The following CPA6 variants were observed in gnomAD, a reference collection of about 807,000 sequenced individuals.
The protein encoded by CPA6 is carboxypeptidase A6.
A neutral mutation model predicts 63.3 loss-of-function variants in CPA6; 58 were observed. The ratio of observed to expected loss-of-function variants is 0.92; its 90% CI spans 0.74 to 1.14. The LOEUF (loss-of-function observed/expected upper bound fraction) is 1.14, where lower values mean the gene tolerates loss of function less well. Ranked by LOEUF, CPA6 falls within the 50% of genes most tolerant of loss-of-function variation. The pLI is 0.00. For missense variants in CPA6, 565 were observed against 526.6 expected (o/e 1.07, Z -0.71); for synonymous variants, 185 against 179.0 (o/e 1.03, Z -0.27).
chr8:67,707,714 C>G (rs574000742), intron 1 of CPA6, among the ~76,000 whole-genome samples: 1 of 152,080 alleles, frequency 6.6e-6, no homozygotes, highest in African/African-American at 2.4e-5. Flanking sequence ...CAAGACCAGC[C>G]TGGCCAACAT....
chr8:67,485,014 G>C (rs1811447358), intron 6 of CPA6, among the ~76,000 whole-genome samples: 1 of 152,174 alleles, frequency 6.6e-6, no homozygotes, highest in Non-Finnish European at 1.5e-5. Context: ...AAAGAGATCA[G>C]TTGGGCAGCC....
chr8:67,697,984 A>G (rs886239099), intron 1 of CPA6, among the ~76,000 whole-genome samples: 12 of 152,340 alleles, frequency 7.9e-5, no homozygotes, highest in Admixed American at 3.9e-4. Context: ...ACGGAATCCT[A>G]AATGACTATA....
intron 6 of CPA6, among the ~76,000 whole-genome samples, chr8:67,495,086 A>T (rs1350518748): frequency 6.6e-6 from 1 of 152,140 alleles, no homozygotes; most frequent in East Asian, 1.9e-4. Flanking sequence ...ATAGTAGTAA[A>T]CACTTGATAA....
chr8:67,677,887 A>G (rs1816510995), intron 1 of CPA6, among the ~76,000 whole-genome samples: 1 of 152,076 alleles, frequency 6.6e-6, no homozygotes, highest in Non-Finnish European at 1.5e-5. Flanking sequence ...TAAAAAAAAA[A>G]AAGAATATCT....
chr8:67,718,276 T>C (rs1175481943), intron 1 of CPA6, among the ~76,000 whole-genome samples: 1 of 152,134 alleles, frequency 6.6e-6, no homozygotes, highest in Non-Finnish European at 1.5e-5. Flanking sequence ...GTTTTAAGAA[T>C]TGTGAGGTAT....
intron 2 of CPA6, among the ~76,000 whole-genome samples, chr8:67,599,475 T>C (rs1814436360): frequency 6.6e-6 from 1 of 152,182 alleles, no homozygotes; most frequent in Admixed American, 6.5e-5. Flanking sequence ...GCCAGAGTCT[T>C]GGTGATTCCC....
chr8:67,701,944 T>C (rs1817033260), intron 1 of CPA6, among the ~76,000 whole-genome samples: 1 of 152,202 alleles, frequency 6.6e-6, no homozygotes, highest in South Asian at 2.1e-4. Context: ...CCCTTTTGTA[T>C]TCATCCCCAC....
rs74579860 is a variant in CPA6, at chr8:67,712,247, C to T, written c.116+33767G>A. Reference sequence around the variant, plus strand: ...TGTATCGGGACCACTGGAGCTACAACCTTATGCCTTGGAGGGTCTGGCACT... The same window carrying T: ...TGTATCGGGACCACTGGAGCTACAATCTTATGCCTTGGAGGGTCTGGCACT... On this transcript the variant is annotated intron_variant, in intron 1 of 10. Coordinates refer to ENST00000297770, the MANE Select transcript of CPA6 (RefSeq NM_020361.5). 5.8e-3 allele frequency among the ~76,000 whole-genome samples: 876 copies of T among 152,226 alleles called. 10 individuals carry two copies. The highest frequency in any genetic ancestry group is 0.02 in the African/African-American group (817 of 41,548).
intron 9 of CPA6, among the ~76,000 whole-genome samples, chr8:67,432,995 C>G (rs1178931160): frequency 6.6e-6 from 1 of 152,172 alleles, no homozygotes; most frequent in Non-Finnish European, 1.5e-5. Context: ...GATGCTAACT[C>G]TGGGTAGTCA....
rs976937892 is a variant in CPA6 at position 67,745,950 on chromosome 8, T to C, written c.116+64A>G. 8 of 1,238,294 alleles carry C rather than the reference T, an allele frequency of 6.5e-6. No individual in the cohort carries two copies. In the Admixed American group the frequency reaches 1.6e-4, roughly 24 times the overall value. 76.7% of individuals were successfully genotyped at this position (1,238,294 alleles called of 1,614,324 possible). A position where few individuals can be genotyped will look rare whatever the true frequency, so the allele number is the denominator to read the frequency against. ...AAATCAGAAAAAGTGAGGCACACTCTGGAGCAAACCAGCCCCCAGATCCAA... is the reference window on the plus strand; with the variant it reads ...AAATCAGAAAAAGTGAGGCACACTCCGGAGCAAACCAGCCCCCAGATCCAA... On this transcript the variant is annotated intron_variant, in intron 1 of 10. Transcript: ENST00000297770.
chr8:67,684,603 C>A (rs562187743), intron 1 of CPA6, among the ~76,000 whole-genome samples: 34 of 152,240 alleles, frequency 2.2e-4, no homozygotes, highest in Admixed American at 1.9e-3. Context: ...TGGCCGGATG[C>A]CTGGAAATCT....
intron 1 of CPA6, among the ~76,000 whole-genome samples, chr8:67,703,579 C>A (rs927501701): frequency 2.0e-5 from 3 of 152,214 alleles, no homozygotes; most frequent in Non-Finnish European, 2.9e-5. Flanking sequence ...TGCTGCATGA[C>A]CTCCTTCTCT....
intron 2 of CPA6, among the ~76,000 whole-genome samples, chr8:67,523,103 G>A (rs1304941330): frequency 6.6e-6 from 1 of 152,230 alleles, no homozygotes; most frequent in Non-Finnish European, 1.5e-5. Flanking sequence ...CCACTTGTAG[G>A]CTGTTTTACT....
intron 1 of CPA6, among the ~76,000 whole-genome samples, chr8:67,662,341 T>C (rs530269786): frequency 6.6e-6 from 1 of 152,210 alleles, no homozygotes; most frequent in South Asian, 2.1e-4. Flanking sequence ...CTTCCAGTTT[T>C]GTGGAACAAG....
chr8:67,585,113 A>G (rs1225281460), intron 2 of CPA6, among the ~76,000 whole-genome samples: 1 of 152,232 alleles, frequency 6.6e-6, no homozygotes, highest in African/African-American at 2.4e-5. Flanking sequence ...ATAATAGATC[A>G]GGTAACGAAT....
At chr8:67,607,879 T>C (rs978879385) in intron 2 of CPA6, among the ~76,000 whole-genome samples, 1 of 152,220 alleles carries the variant, frequency 6.6e-6, no homozygotes, top group Non-Finnish European at 1.5e-5. Context: ...GTTGTGGTGA[T>C]GCTCAAAAAC....
chr8:67,713,097 G>GTATATATATATATATA (rs1172040978), intron 1 of CPA6, among the ~76,000 whole-genome samples: 1 of 60,266 alleles, frequency 1.7e-5, no homozygotes, highest in Non-Finnish European at 3.1e-5. Flanking sequence ...GTGTGTGTGT[G>GTATATATATATATATA]TGTATATATA....
At chr8:67,639,080 A>T (rs1639856774) in intron 1 of CPA6, among the ~76,000 whole-genome samples, 1 of 151,662 alleles carries the variant, frequency 6.6e-6, no homozygotes, top group Admixed American at 6.6e-5. Context: ...TAGAAACAAC[A>T]AAGAGCAGAA....
chr8:67,547,500 CTTT>C (rs565207722), intron 2 of CPA6, among the ~76,000 whole-genome samples: 5 of 134,914 alleles, frequency 3.7e-5, no homozygotes, highest in Non-Finnish European at 3.3e-5. Flanking sequence ...GAATTATAGT[CTTT>C]TTTTTTTTTT....
Sources: gnomAD v4.1 joint callset for allele counts (sites outside exome capture counted in the v4.1 genomes callset) on GRCh38, gnomAD v4.1.1 for gene constraint, MANE v1.5 for transcripts, NCBI Gene and HGNC (gene_info 2026-07-23, HGNC 2026-07-21) for gene names.